Variants in NT5M observed in about 807,000 individuals in gnomAD.
NT5M encodes 5',3'-nucleotidase, mitochondrial.
Under a neutral mutation model 22.2 loss-of-function variants are expected in NT5M, and 22 were observed. The ratio of observed to expected loss-of-function variants is 0.99; its 90% confidence interval spans 0.71 to 1.41. NT5M has a LOEUF of 1.41. Ranked by LOEUF, NT5M falls within the 40% of genes most tolerant of loss-of-function variation. NT5M has a pLI of 0.00. For synonymous variants in NT5M, 167 were observed against 133.0 expected, an observed-to-expected ratio of 1.26 and a Z score of -1.76; for missense variants, 322 against 314.8, an observed-to-expected ratio of 1.02 and a Z score of -0.17.
intron 3 of NT5M, among the ~76,000 whole-genome samples, chr17:17,331,271 C>T (rs1424118022): frequency 1.3e-5 from 2 of 150,302 alleles, no homozygotes. Flanking sequence ...TCTTTCTTGG[C>T]GTGTTTCTGG....
intron 1 of NT5M, among the ~76,000 whole-genome samples, chr17:17,304,644 A>G (rs2048755317): frequency 6.6e-6 from 1 of 152,146 alleles, no homozygotes; most frequent in Non-Finnish European, 1.5e-5. Flanking sequence ...TTTAGCCACA[A>G]GTTCACTGCA....
intron 3 of NT5M, among the ~76,000 whole-genome samples, chr17:17,336,000 C>CT (rs1167144502): frequency 0.1 from 10,079 of 98,924 alleles, 895 homozygotes; most frequent in African/African-American, 0.12. Context: ...CTTATTCATT[C>CT]TTTTTTTTTT....
chr17:17,310,023 A>T (rs1250221716), intron 2 of NT5M, among the ~76,000 whole-genome samples: 1 of 151,914 alleles, frequency 6.6e-6, no homozygotes, highest in East Asian at 1.9e-4. Flanking sequence ...ACGGGGCTTC[A>T]CCATGTTAGC....
At chr17:17,313,566 C>T (rs1055571125) in intron 2 of NT5M, among the ~76,000 whole-genome samples, 30 of 152,176 alleles carry the variant, frequency 2.0e-4, no homozygotes, top group African/African-American at 7.0e-4. Context: ...CAGCAGAGAC[C>T]AAGGCTGATC....
At chr17:17,309,826 T>G (rs916407266) in intron 2 of NT5M, among the ~76,000 whole-genome samples, 2 of 142,324 alleles carry the variant, frequency 1.4e-5, no homozygotes, top group Non-Finnish European at 3.1e-5. Context: ...ACTTTTGTGG[T>G]TTTTGTTTTT....
Position 17,303,761 on chromosome 17 carries a change from G to A in NT5M, c.211G>A (p.Asp71Asn). The change falls in exon 1 of 5, where the codon GAC becomes AAC. Residue 71 changes from aspartate to asparagine, a missense_variant. Asp to Asn is a conservative substitution (Grantham distance 23). Transcript: ENST00000389022. ...FPDQPFIALE[D>N]RRGFWVSEQY... ...CGACCAGCCCTTCATCGCGCTGGAG[G>A]ACCGGCGCGGCTTCTGGGTGTCGGA... 1 of 1,586,362 alleles carries A rather than the reference G, an allele frequency of 6.3e-7. No individual in the cohort carries two copies. Among genetic ancestry groups the A allele is most frequent in the Non-Finnish European group, 8.6e-7 (1 of 1,168,102 alleles).
At chr17:17,335,292 C>G (rs897132845) in intron 3 of NT5M, among the ~76,000 whole-genome samples, 1 of 151,480 alleles carries the variant, frequency 6.6e-6, no homozygotes, top group East Asian at 1.9e-4. Context: ...GAGTCTTGCT[C>G]TGTTGCCCAG....
At chr17:17,313,129 TGTGGTGGGC>T (rs1488073455) in intron 2 of NT5M, among the ~76,000 whole-genome samples, 2 of 151,312 alleles carry the variant, frequency 1.3e-5, no homozygotes, top group African/African-American at 4.9e-5. Context: ...ATTAGCTGGG[TGTGGTGGGC>T]GTGGTGGGGC....
chr17:17,306,097 T>C (rs937825273), intron 1 of NT5M, among the ~76,000 whole-genome samples: 1 of 152,118 alleles, frequency 6.6e-6, no homozygotes, highest in African/African-American at 2.4e-5. Flanking sequence ...TTTTACCCTG[T>C]CTCCCCCTCC....
At chr17:17,308,261 C>A (rs2048849563) in intron 2 of NT5M, among the ~76,000 whole-genome samples, 1 of 152,096 alleles carries the variant, frequency 6.6e-6, no homozygotes, top group Non-Finnish European at 1.5e-5. Context: ...GGATGTGCTT[C>A]CCTGAGAGAT....
chr17:17,346,484 G>A (rs191586470), intron 4 of NT5M, among the ~76,000 whole-genome samples: 2 of 152,150 alleles, frequency 1.3e-5, no homozygotes, highest in Non-Finnish European at 2.9e-5. Flanking sequence ...GGCAGGGCAC[G>A]GAGAGGGAAG....
intron 3 of NT5M, among the ~76,000 whole-genome samples, chr17:17,334,398 GT>G (rs1251819036): frequency 6.6e-6 from 1 of 151,262 alleles, no homozygotes; most frequent in African/African-American, 2.4e-5. Flanking sequence ...GTAGCCTGGG[GT>G]CCATTTCTGG....
intron 3 of NT5M, among the ~76,000 whole-genome samples, chr17:17,334,586 G>A (rs868523316): frequency 2.0e-5 from 3 of 147,472 alleles, no homozygotes; most frequent in Admixed American, 7.0e-5. Context: ...AGTGATTCTC[G>A]TGCCTCAGCC....
intron 2 of NT5M, among the ~76,000 whole-genome samples, chr17:17,308,302 A>G (rs1257938481): frequency 1.3e-5 from 2 of 152,116 alleles, no homozygotes; most frequent in Non-Finnish European, 2.9e-5. Flanking sequence ...ACATATAATA[A>G]TGACATACCA....
intron 2 of NT5M, among the ~76,000 whole-genome samples, chr17:17,321,138 TGGA>T (rs1035815909): frequency 1.5e-4 from 23 of 150,604 alleles, no homozygotes; most frequent in African/African-American, 5.6e-4. Context: ...TGAGGAGTCA[TGGA>T]GGAGGATAGC....
At position 17,344,918 on chromosome 17, in the gene NT5M, C is replaced by T; in HGVS notation, c.544+10C>T. 1.2e-6 allele frequency: 2 copies of T among 1,614,066 alleles called. No individual in the cohort carries two copies. Among genetic ancestry groups the T allele is most frequent in the Non-Finnish European group, 8.5e-7 (1 of 1,179,994 alleles). ...CGGCCGGACATCACAGGCAAGTGGC[C>T]TGCGACAGGTGAGGAGCACGTGGGG... On this transcript the variant is annotated intron_variant, in intron 4 of 4. Transcript: ENST00000389022.
At chr17:17,314,592 C>T (rs1330778349) in intron 2 of NT5M, among the ~76,000 whole-genome samples, 1 of 152,184 alleles carries the variant, frequency 6.6e-6, no homozygotes, top group African/African-American at 2.4e-5. Flanking sequence ...TGAAAGCCCT[C>T]TGCTGGCTTC....
intron 3 of NT5M, among the ~76,000 whole-genome samples, chr17:17,328,499 G>T (rs1041551178): frequency 6.6e-6 from 1 of 152,118 alleles, no homozygotes; most frequent in Admixed American, 6.6e-5. Flanking sequence ...GGCTGAGGGC[G>T]GGCTGGTATT....
Position 17,303,415 on chromosome 17 carries a change from G to C in NT5M, c.-136G>C. Reference sequence around the variant, plus strand: ...TGCGCGCCCGCACCCCGCGCTCCCCGCCCCGCTCCCCGTCCCGCGCTCCAC... The same window carrying C: ...TGCGCGCCCGCACCCCGCGCTCCCCCCCCCGCTCCCCGTCCCGCGCTCCAC... On this transcript the variant is annotated 5_prime_UTR_variant, in exon 1 of 5. Transcript: ENST00000389022. 1.0e-6 allele frequency: 1 copy of C among 974,176 alleles called. No individual in the cohort carries two copies. Among genetic ancestry groups the C allele is most frequent in the African/African-American group, 1.8e-5 (1 of 56,996 alleles). The allele number at this position is 974,176 out of a possible 1,614,324, so 60.3% of individuals were successfully genotyped here. A position where few individuals can be genotyped will look rare whatever the true frequency, so the allele number is the denominator to read the frequency against.
Sources: allele counts gnomAD v4.1 joint callset (sites outside exome capture counted in the v4.1 genomes callset), GRCh38; gene constraint gnomAD v4.1.1; transcripts MANE v1.5; gene names NCBI Gene and HGNC (gene_info 2026-07-23, HGNC 2026-07-21).